The following CCSER1 variants were observed in gnomAD, a reference collection of about 807,000 sequenced individuals.
CCSER1 encodes the protein coiled-coil serine rich protein 1, also known as serine-rich coiled-coil domain-containing protein 1.
In CCSER1, 41 loss-of-function variants were observed where a neutral mutation model predicts 82.0. That is an observed-to-expected ratio of 0.50 (90% CI 0.39 to 0.65). The LOEUF is 0.65. CCSER1 is among the 30% of genes least tolerant of loss of function. CCSER1 has a pLI of 0.00. For synonymous variants in CCSER1, 414 were observed against 383.9 expected (o/e 1.08, Z -0.92); for missense variants, 1,119 against 1,064.2 (o/e 1.05, Z -0.72).
chr4:90,543,378 T>C (rs1776341854), intron 5 of CCSER1, among the ~76,000 whole-genome samples: 1 of 152,160 alleles, frequency 6.6e-6, no homozygotes, highest in African/African-American at 2.4e-5. Flanking sequence ...AGGTGGGCCC[T>C]AAATCCTGCA....
chr4:90,436,150 G>C (rs1051222413), intron 4 of CCSER1, among the ~76,000 whole-genome samples: 2 of 151,958 alleles, frequency 1.3e-5, no homozygotes, highest in African/African-American at 4.8e-5. Context: ...AAAAATAATA[G>C]CAATCTTTAC....
intron 5 of CCSER1, among the ~76,000 whole-genome samples, chr4:90,596,709 A>G (rs1213981091): frequency 6.7e-6 from 1 of 148,882 alleles, no homozygotes; most frequent in South Asian, 2.1e-4. Flanking sequence ...TAAACCAGAT[A>G]TTTTTTTACC....
At chr4:91,559,020 T>C (rs1161181835) in intron 10 of CCSER1, among the ~76,000 whole-genome samples, 2 of 151,634 alleles carry the variant, frequency 1.3e-5, no homozygotes, top group Non-Finnish European at 3.0e-5. Context: ...GGAGCAGAAG[T>C]GTCAACTCCA....
At chr4:90,986,865 C>T (rs1736620286) in intron 9 of CCSER1, among the ~76,000 whole-genome samples, 1 of 151,654 alleles carries the variant, frequency 6.6e-6, no homozygotes, top group Non-Finnish European at 1.5e-5. Flanking sequence ...CCCTGTGTAT[C>T]ATGCAAAGGT....
chr4:91,589,552 CA>C (rs1764164261), intron 10 of CCSER1, among the ~76,000 whole-genome samples: 1 of 146,650 alleles, frequency 6.8e-6, no homozygotes, highest in Non-Finnish European at 1.5e-5. Context: ...TGTTGGGCAG[CA>C]GGGTGTCTAG....
chr4:90,334,149 G>A (rs1307307697), intron 3 of CCSER1, among the ~76,000 whole-genome samples: 1 of 152,100 alleles, frequency 6.6e-6, no homozygotes, highest in Non-Finnish European at 1.5e-5. Context: ...AGAAATTCAT[G>A]TATAATTGCG....
rs1490683193 is a variant in CCSER1 at position 90,542,970 on chromosome 4, C to T, written c.1724+74616C>T. On this transcript the variant is annotated intron_variant, in intron 5 of 10. Coordinates refer to ENST00000509176, the MANE Select transcript of CCSER1 (RefSeq NM_001145065.2). The stretch of plus-strand genomic sequence containing the variant: ...TATGCTTATGTATTATACATATTCA[C>T]ATTTAATTCAAAATCCTTATTTTTT... Among the ~76,000 whole-genome samples the T allele has an allele frequency of 3.9e-5, 6 of 152,182 alleles. No individual in the cohort carries two copies. The East Asian group carries it at 7.7e-4, about 20-fold the overall frequency.
At chr4:91,002,010 G>A (rs1027744602) in intron 9 of CCSER1, among the ~76,000 whole-genome samples, 6 of 152,030 alleles carry the variant, frequency 3.9e-5, no homozygotes, top group Admixed American at 3.9e-4. Context: ...TTTCATTTAT[G>A]AAGCTTAGTT....
intron 10 of CCSER1, among the ~76,000 whole-genome samples, chr4:91,437,343 T>C (rs1254784114): frequency 1.3e-5 from 2 of 152,238 alleles, no homozygotes; most frequent in Non-Finnish European, 2.9e-5. Flanking sequence ...AAAACATGTA[T>C]GGACTACACA....
chr4:90,450,487 C>T (rs1391981292), intron 4 of CCSER1, among the ~76,000 whole-genome samples: 1 of 152,060 alleles, frequency 6.6e-6, no homozygotes, highest in Non-Finnish European at 1.5e-5. Flanking sequence ...AGAACAAAAG[C>T]GGTAACAGTA....
chr4:90,964,262 C>A (rs572167998), intron 9 of CCSER1, among the ~76,000 whole-genome samples: 29 of 152,064 alleles, frequency 1.9e-4, no homozygotes, highest in African/African-American at 6.3e-4. Flanking sequence ...TGAAGTATTC[C>A]CATAAATTGT....
In CCSER1 at chr4:90,563,530, A is replaced by G. The variant is rs186211755; in HGVS notation, c.1725-64495A>G. On this transcript the variant is annotated intron_variant, in intron 5 of 10. Coordinates refer to ENST00000509176, the MANE Select transcript of CCSER1 (RefSeq NM_001145065.2). ...GCAATTTTTTTCTATCAGTGAGATT[A>G]TGTGGTATTTATCTTTCTGTGCCTG... Among the ~76,000 whole-genome samples, 547 of 152,186 alleles carry G rather than the reference A, an allele frequency of 3.6e-3. 4 individuals carry two copies. The highest frequency in any genetic ancestry group is 4.4e-3 in the Non-Finnish European group (302 of 67,998).
intron 10 of CCSER1, among the ~76,000 whole-genome samples, chr4:91,351,448 G>A (rs1222604449): frequency 6.6e-6 from 1 of 151,958 alleles, no homozygotes; most frequent in African/African-American, 2.4e-5. Context: ...GATGAATACA[G>A]ATTTCTTGTT....
In CCSER1 at chr4:91,343,191, T is replaced by C. The variant is rs376355320; in HGVS notation, c.2218-255381T>C. On this transcript the variant is annotated intron_variant, in intron 10 of 10. Transcript: ENST00000509176. Reference sequence around the variant, plus strand: ...TTTGCCCAATTTCTTCTGAAATTTTTCTTATCCTCTATTTTAGAATCTGGA... The same window carrying C: ...TTTGCCCAATTTCTTCTGAAATTTTCCTTATCCTCTATTTTAGAATCTGGA... Among the ~76,000 whole-genome samples, 24 of 152,090 alleles carry C rather than the reference T, an allele frequency of 1.6e-4. 1 individual carries two copies. The highest frequency in any genetic ancestry group is 1.3e-3 in the Admixed American group (20 of 15,284).
chr4:91,451,436 G>T (rs1278042702), intron 10 of CCSER1, among the ~76,000 whole-genome samples: 1 of 151,738 alleles, frequency 6.6e-6, no homozygotes, highest in African/African-American at 2.4e-5. Context: ...AATATTTAAA[G>T]GATTACTCTC....
At chr4:90,327,930 A>G (rs1053753200) in intron 3 of CCSER1, among the ~76,000 whole-genome samples, 1 of 151,582 alleles carries the variant, frequency 6.6e-6, no homozygotes, top group African/African-American at 2.4e-5. Context: ...CTGCGCACTT[A>G]CTCTCTTTCT....
At chr4:90,938,503 T>C (rs563044155) in intron 9 of CCSER1, among the ~76,000 whole-genome samples, 46 of 152,248 alleles carry the variant, frequency 3.0e-4, no homozygotes, top group African/African-American at 1.1e-3. Flanking sequence ...ATTACTAATA[T>C]ATTTGTTATA....
chr4:91,084,815 T>C (rs2148813812), intron 9 of CCSER1, among the ~76,000 whole-genome samples: 1 of 152,216 alleles, frequency 6.6e-6, no homozygotes, highest in East Asian at 1.9e-4. Flanking sequence ...TAAAATAAAA[T>C]GGTTTAGTTA....
intron 1 of CCSER1, among the ~76,000 whole-genome samples, chr4:90,188,410 G>A (rs1035592407): frequency 6.6e-6 from 1 of 151,810 alleles, no homozygotes; most frequent in Non-Finnish European, 1.5e-5. Flanking sequence ...ATATTAAGAA[G>A]TCTTCCAAGA....
Sources: allele counts gnomAD v4.1 joint callset (sites outside exome capture counted in the v4.1 genomes callset), GRCh38; gene constraint gnomAD v4.1.1; transcripts MANE v1.5; gene names NCBI Gene and HGNC (gene_info 2026-07-23, HGNC 2026-07-21).